Variants in PRDM6 observed in about 807,000 individuals in gnomAD.
PRDM6 encodes the protein putative histone-lysine N-methyltransferase PRDM6.
PRDM6 carries 25 observed loss-of-function variants against 60.8 expected under a neutral mutation model. That is an observed-to-expected ratio of 0.41 (90% CI 0.30 to 0.57). The LOEUF is 0.57. Among genes scored for constraint, PRDM6 ranks in the 20% least tolerant of loss-of-function variants. The pLI is 0.27. For synonymous variants in PRDM6, 407 were observed against 357.4 expected (o/e 1.14, Z -1.57); for missense variants, 839 against 821.3 (o/e 1.02, Z -0.26).
chr5:123,136,583 C>A (rs543429738), intron 3 of PRDM6, among the ~76,000 whole-genome samples: 2 of 152,068 alleles, frequency 1.3e-5, no homozygotes, highest in African/African-American at 4.8e-5. Flanking sequence ...TATTTTGGAG[C>A]CTTTTGACCA....
intron 3 of PRDM6, among the ~76,000 whole-genome samples, chr5:123,131,807 T>C: frequency 6.6e-6 from 1 of 152,214 alleles, no homozygotes. Context: ...GAGTTACTTA[T>C]TGATATTGAA....
Position 123,089,554 on chromosome 5 carries a change from G to T in PRDM6, c.-16+35G>T, listed in dbSNP as rs139594674. 316 of 166,146 alleles carry T rather than the reference G, an allele frequency of 1.9e-3. 2 individuals carry two copies. The highest frequency in any genetic ancestry group is 3.2e-3 in the Non-Finnish European group (249 of 77,938). 10.3% of individuals were successfully genotyped at this position (166,146 alleles called of 1,614,324 possible). ...GGCTGGTCTGGGACTTAAGAGTCTA[G>T]GGCTTGGTAGATAGGAAGGTTGGTG... On this transcript the variant is annotated intron_variant, in intron 1 of 7. Transcript: ENST00000407847.
Position 123,122,164 on chromosome 5 carries a change from CAAAAAAAAA to C in PRDM6, c.900+22217_900+22225del, listed in dbSNP as rs138619125. Among the ~76,000 whole-genome samples, 19 of 98,924 alleles carry C rather than the reference CAAAAAAAAA, an allele frequency of 1.9e-4. No individual in the cohort carries two copies. In the Admixed American group the frequency reaches 2.1e-3, roughly 11 times the overall value. 64.9% of individuals were successfully genotyped at this position (98,924 alleles called of 152,430 possible). ...GGCGACAGTGCGAGACTCCATCTGA[CAAAAAAAAA>C]AAAAAAAAAAAAAGAATTCCTGAGT... On this transcript the variant is annotated intron_variant, in intron 3 of 7. Transcript: ENST00000407847.
chr5:123,180,371 A>G (rs951206128), intron 7 of PRDM6, 48 bp downstream of exon 7: 2 of 1,502,704 alleles, frequency 1.3e-6, no homozygotes, highest in Non-Finnish European at 1.8e-6. Context: ...AGCCTTTCCC[A>G]AGAGCCAGCT....
At chr5:123,148,961 C>T (rs1765313183) in intron 3 of PRDM6, among the ~76,000 whole-genome samples, 1 of 152,136 alleles carries the variant, frequency 6.6e-6, no homozygotes, top group South Asian at 2.1e-4. Flanking sequence ...AGGCTTATTA[C>T]CTGTAAAACA....
intron 3 of PRDM6, among the ~76,000 whole-genome samples, chr5:123,131,698 CA>C (rs1042917001): frequency 9.2e-5 from 14 of 152,174 alleles, no homozygotes; most frequent in African/African-American, 3.4e-4. Flanking sequence ...TCTTTCTCAG[CA>C]GATTGGATAA....
chr5:123,163,733 T>C (rs1765685024), intron 5 of PRDM6, among the ~76,000 whole-genome samples: 2 of 152,068 alleles, frequency 1.3e-5, no homozygotes, highest in Non-Finnish European at 2.9e-5. Flanking sequence ...AAGACCTTAG[T>C]GTATTCATAT....
chr5:123,168,450 C>T lies in PRDM6; in HGVS notation c.1154-2316C>T, dbSNP rs186325742. Among the ~76,000 whole-genome samples the T allele has an allele frequency of 2.2e-3, 328 of 152,244 alleles. 1 individual carries two copies. Among genetic ancestry groups the T allele is most frequent in the Admixed American group, 6.1e-3 (94 of 15,294 alleles). On this transcript the variant is annotated intron_variant, in intron 5 of 7. Coordinates refer to ENST00000407847, the MANE Select transcript of PRDM6 (RefSeq NM_001136239.4). Reference sequence around the variant, plus strand: ...CTAAAACTTGCCACCTAGATATGTTCTTAAGTGAATGTGTGACCCAGGGTA... The same window carrying T: ...CTAAAACTTGCCACCTAGATATGTTTTTAAGTGAATGTGTGACCCAGGGTA...
chr5:123,142,169 A>G (rs961547443), intron 3 of PRDM6, among the ~76,000 whole-genome samples: 1 of 152,130 alleles, frequency 6.6e-6, no homozygotes, highest in African/African-American at 2.4e-5. Flanking sequence ...TATACTTGAA[A>G]TGGTTGCATT....
chr5:123,171,173 C>G (rs1393875403), intron 6 of PRDM6, 65 bp downstream of exon 6: 2 of 1,337,512 alleles, frequency 1.5e-6, no homozygotes, highest in Non-Finnish European at 2.0e-6. Flanking sequence ...GCCTTCCCGC[C>G]AACTTCTGAG....
At chr5:123,105,245 T>A (rs1375571648) in intron 3 of PRDM6, among the ~76,000 whole-genome samples, 1 of 151,160 alleles carries the variant, frequency 6.6e-6, no homozygotes, top group Non-Finnish European at 1.5e-5. Context: ...CACCATGTAA[T>A]TTTTTTTTCT....
At chr5:123,159,850 A>G (rs1765588562) in intron 5 of PRDM6, among the ~76,000 whole-genome samples, 1 of 152,204 alleles carries the variant, frequency 6.6e-6, no homozygotes. Context: ...TCACTTATCA[A>G]CAACTTCAAA....
intron 5 of PRDM6, among the ~76,000 whole-genome samples, chr5:123,160,587 C>CATAT (rs1765605917): frequency 6.6e-6 from 1 of 151,920 alleles, no homozygotes; most frequent in Admixed American, 6.5e-5. Flanking sequence ...CACATGCACT[C>CATAT]ACACAAAAAC....
chr5:123,137,949 G>A (rs1765002181), intron 3 of PRDM6, among the ~76,000 whole-genome samples: 1 of 152,090 alleles, frequency 6.6e-6, no homozygotes, highest in African/African-American at 2.4e-5. Flanking sequence ...GTATGTGATG[G>A]TATGGGTGGT....
chr5:123,119,345 C>T (rs529128112), intron 3 of PRDM6, among the ~76,000 whole-genome samples: 7 of 152,168 alleles, frequency 4.6e-5, no homozygotes, highest in South Asian at 2.1e-4. Context: ...GAGAAGAGGA[C>T]GTGGGCAAAA....
rs1334417148 is a variant in PRDM6, at chr5:123,189,740, C to T, written c.*2539C>T. On this transcript the variant is annotated 3_prime_UTR_variant, in exon 8 of 8. Transcript: ENST00000407847. Reference sequence around the variant, plus strand: ...AATTTTCCAGGCATGTGGGCACATTCACAATTTTTACATTGCTGTCCTATT... The same window carrying T: ...AATTTTCCAGGCATGTGGGCACATTTACAATTTTTACATTGCTGTCCTATT... 1 of 152,170 alleles carries T rather than the reference C, an allele frequency of 6.6e-6. No individual in the cohort carries two copies. Among genetic ancestry groups the T allele is most frequent in the African/African-American group, 2.4e-5 (1 of 41,414 alleles). The allele number at this position is 152,170 out of a possible 1,614,324, so 9.4% of individuals were successfully genotyped here.
rs928258943 is a variant in PRDM6 at position 123,162,192 on chromosome 5, C to A, written c.1153+2554C>A. On this transcript the variant is annotated intron_variant, in intron 5 of 7. Transcript: ENST00000407847. ...TGCATTTCTTACCCTCGATCTGGATCTCTGGCGTGGGAGACTCATATCCAC... is the reference window on the plus strand; with the variant it reads ...TGCATTTCTTACCCTCGATCTGGATATCTGGCGTGGGAGACTCATATCCAC... Among the ~76,000 whole-genome samples the A allele has an allele frequency of 2.6e-5, 4 of 152,276 alleles. No homozygotes were observed. In the East Asian group the frequency reaches 7.7e-4, roughly 29 times the overall value.
At chr5:123,168,499 C>T (rs1172900621) in intron 5 of PRDM6, among the ~76,000 whole-genome samples, 2 of 152,100 alleles carry the variant, frequency 1.3e-5, no homozygotes, top group Non-Finnish European at 2.9e-5. Flanking sequence ...TCTTGGGACT[C>T]GGCTTTTGTC....
intron 3 of PRDM6, among the ~76,000 whole-genome samples, chr5:123,108,498 T>C (rs2150211402): frequency 6.6e-6 from 1 of 152,278 alleles, no homozygotes; most frequent in African/African-American, 2.4e-5. Flanking sequence ...GTTGTGTTTG[T>C]CCCAAACTAA....
Sources: gnomAD v4.1 joint callset for allele counts (sites outside exome capture counted in the v4.1 genomes callset) on GRCh38, gnomAD v4.1.1 for gene constraint, MANE v1.5 for transcripts, NCBI Gene and HGNC (gene_info 2026-07-23, HGNC 2026-07-21) for gene names.